Variants in S100Z observed in about 807,000 individuals in gnomAD.
S100Z encodes the protein S100 calcium binding protein Z.
Under a neutral mutation model 8.5 loss-of-function variants are expected in S100Z, and 11 were observed. That is an observed-to-expected ratio of 1.30 (90% CI 0.82 to 2.15). S100Z has a LOEUF of 2.15. Among genes scored for constraint, S100Z ranks in the 30% most tolerant of loss-of-function variants. S100Z has a pLI of 0.00. For synonymous variants in S100Z, 34 were observed against 43.8 expected (o/e 0.78, Z 0.89); for missense variants, 126 against 117.9 (o/e 1.07, Z -0.32).
At chr5:76,862,085 GT>G (rs1234084646) in intron 1 of S100Z, among the ~76,000 whole-genome samples, 1 of 151,364 alleles carries the variant, frequency 6.6e-6, no homozygotes, top group African/African-American at 2.4e-5. Flanking sequence ...AATAATTCCA[GT>G]TTTGTTACCT....
chr5:76,863,811 T>C (rs2069369545), intron 1 of S100Z, among the ~76,000 whole-genome samples: 1 of 152,222 alleles, frequency 6.6e-6, no homozygotes, highest in Non-Finnish European at 1.5e-5. Context: ...GTACTGGGAT[T>C]ACAGGTGTGA....
the S100Z span, among the ~76,000 whole-genome samples, chr5:76,937,567 A>G: frequency 0.74 from 112,367 of 151,376 alleles, 42,328 homozygotes; most frequent in East Asian, 0.93. Context: ...ATCAGCCTGG[A>G]CAACATAGTG....
At chr5:76,911,000 A>T (rs1424277086) in intron 4 of S100Z, among the ~76,000 whole-genome samples, 4 of 152,140 alleles carry the variant, frequency 2.6e-5, no homozygotes, top group African/African-American at 7.2e-5. Context: ...GGCTGGAACT[A>T]TTGTCTACAT....
At chr5:76,931,085 T>G in the S100Z span, among the ~76,000 whole-genome samples, 1 of 151,746 alleles carries the variant, frequency 6.6e-6, no homozygotes, top group Non-Finnish European at 1.5e-5. Flanking sequence ...CTAGTCTCTC[T>G]TTTTCCTTTT....
At chr5:76,924,899 C>T (rs1217430076), downstream of S100Z, among the ~76,000 whole-genome samples, 1 of 137,298 alleles carries the variant, frequency 7.3e-6, no homozygotes, top group Middle Eastern at 3.2e-3. Context: ...GGCAACAGAG[C>T]GAGACTCTGT....
chr5:76,880,217 T>G (rs1452613561), intron 4 of S100Z, among the ~76,000 whole-genome samples: 1 of 152,188 alleles, frequency 6.6e-6, no homozygotes, highest in Non-Finnish European at 1.5e-5. Context: ...TGGAATGTCA[T>G]GAGTTAAGGC....
chr5:76,952,439 T>C, the S100Z span, among the ~76,000 whole-genome samples: 173 of 152,348 alleles, frequency 1.1e-3, no homozygotes, highest in African/African-American at 3.7e-3. Flanking sequence ...GAAATGCCTA[T>C]AAGAAACTGG....
downstream of S100Z, among the ~76,000 whole-genome samples, chr5:76,922,151 C>A (rs538429981): frequency 6.6e-6 from 1 of 152,268 alleles, no homozygotes; most frequent in South Asian, 2.1e-4. Context: ...GTTCCCCTAA[C>A]CTTGTCTTGT....
chr5:76,877,610 T>G, intron 3 of S100Z, 64 bp from the exon 4 acceptor site: 2 of 940,002 alleles, frequency 2.1e-6, no homozygotes, highest in East Asian at 4.8e-5. Context: ...AAAAGGAAGA[T>G]GAATTTCAAT....
the S100Z span, among the ~76,000 whole-genome samples, chr5:76,947,491 CT>C: frequency 6.6e-6 from 1 of 152,080 alleles, no homozygotes; most frequent in East Asian, 1.9e-4. Context: ...TAGCTAAATC[CT>C]TTTTTTACTG....
At chr5:76,938,354 A>C in the S100Z span, among the ~76,000 whole-genome samples, 112,986 of 152,022 alleles carry the variant, frequency 0.74, 42,618 homozygotes, top group East Asian at 0.93. Flanking sequence ...GTAGTATTTT[A>C]TGTTTTATGG....
At chr5:76,881,401 G>A (rs912255310) in intron 4 of S100Z, among the ~76,000 whole-genome samples, 2 of 152,152 alleles carry the variant, frequency 1.3e-5, no homozygotes, top group African/African-American at 2.4e-5. Flanking sequence ...TTCCTGATTT[G>A]AGGCATGTGA....
chr5:76,899,651 TC>T (rs1190210583), intron 4 of S100Z, among the ~76,000 whole-genome samples: 1 of 152,204 alleles, frequency 6.6e-6, no homozygotes, highest in Non-Finnish European at 1.5e-5. Flanking sequence ...AACGTTGTCC[TC>T]CTGCTTTTTA....
chr5:76,917,500 C>T (rs1279698298), intron 4 of S100Z, among the ~76,000 whole-genome samples: 1 of 152,138 alleles, frequency 6.6e-6, no homozygotes, highest in African/African-American at 2.4e-5. Context: ...AGCCATTCAG[C>T]TATATGGTTT....
At chr5:76,855,609 T>C (rs2460505) in intron 1 of S100Z, among the ~76,000 whole-genome samples, 70,415 of 152,096 alleles carry the variant, frequency 0.46, 16,839 homozygotes, top group South Asian at 0.66. Context: ...TTACCTAATA[T>C]CTATACCCCC....
At chr5:76,887,114 T>C (rs1444690721) in intron 4 of S100Z, among the ~76,000 whole-genome samples, 2 of 151,024 alleles carry the variant, frequency 1.3e-5, no homozygotes, top group Admixed American at 1.3e-4. Flanking sequence ...TTTTTTTTTT[T>C]CGAGACAGAG....
At chr5:76,903,291 G>A (rs965681914) in intron 4 of S100Z, among the ~76,000 whole-genome samples, 16 of 152,010 alleles carry the variant, frequency 1.1e-4, no homozygotes, top group African/African-American at 3.9e-4. Context: ...ATGGTTTTGC[G>A]TTTTCCATCA....
At chr5:76,876,728 G>A (rs183564938) in intron 3 of S100Z, among the ~76,000 whole-genome samples, 4 of 152,216 alleles carry the variant, frequency 2.6e-5, no homozygotes, top group South Asian at 4.1e-4. Context: ...GTCAAACTTC[G>A]CACATTTATT....
At chr5:76,884,939 A>T (rs537915895) in intron 4 of S100Z, among the ~76,000 whole-genome samples, 6 of 152,286 alleles carry the variant, frequency 3.9e-5, no homozygotes, top group Non-Finnish European at 4.4e-5. Flanking sequence ...GACGAGTCTC[A>T]CTGGGAGCAG....
Sources: allele counts gnomAD v4.1 joint callset (sites outside exome capture counted in the v4.1 genomes callset), GRCh38; gene constraint gnomAD v4.1.1; transcripts MANE v1.5; gene names NCBI Gene and HGNC (gene_info 2026-07-23, HGNC 2026-07-21).